Variants in ARPP21 observed in about 807,000 individuals in gnomAD.
ARPP21 encodes the protein cAMP-regulated phosphoprotein 21.
In ARPP21, 69 loss-of-function variants were observed where a neutral mutation model predicts 113.2. The ratio of observed to expected loss-of-function variants is 0.61; its 90% CI spans 0.50 to 0.74. The LOEUF (loss-of-function observed/expected upper bound fraction) is 0.74, where lower values mean the gene tolerates loss of function less well. Ranked by LOEUF, ARPP21 falls within the 30% of genes least tolerant of loss-of-function variation. The pLI, the probability that ARPP21 is intolerant of heterozygous loss-of-function variation, is 0.00. For synonymous variants in ARPP21, 368 were observed against 375.5 expected (o/e 0.98, Z 0.23); for missense variants, 1,070 against 1,037.4 (o/e 1.03, Z -0.43).
rs77032358 is a variant in ARPP21 at position 35,724,338 on chromosome 3, A to G, written c.1225+2504A>G. ...ACCTCAGCTGTTTCTTGTTAATAGCAATGTGGTTGAGAAATAAGAGTATGA... is the reference window on the plus strand; with the variant it reads ...ACCTCAGCTGTTTCTTGTTAATAGCGATGTGGTTGAGAAATAAGAGTATGA... On this transcript the variant is annotated intron_variant, in intron 14 of 20. Transcript: ENST00000684406. Among the ~76,000 whole-genome samples the G allele has an allele frequency of 4.9e-4, 74 of 152,342 alleles. 1 individual carries two copies. Among genetic ancestry groups the G allele is most frequent in the African/African-American group, 1.8e-3 (73 of 41,584 alleles).
Position 35,675,343 on chromosome 3 carries a change from A to G in ARPP21, c.-212-4444A>G, listed in dbSNP as rs1018990292. 4.0e-5 allele frequency among the ~76,000 whole-genome samples: 6 copies of G among 151,664 alleles called. No homozygotes were observed. The South Asian group carries it at 6.2e-4, about 16-fold the overall frequency. ...TGGTCACACACTCAAACTGAAACTAACCTTGATGCTGTCGGATTCTTGGCT... is the reference window on the plus strand; with the variant it reads ...TGGTCACACACTCAAACTGAAACTAGCCTTGATGCTGTCGGATTCTTGGCT... On this transcript the variant is annotated intron_variant, in intron 1 of 20. Transcript: ENST00000684406.
Position 35,712,658 on chromosome 3 carries a change from A to T in ARPP21, c.898-2781A>T, listed in dbSNP as rs149724642. On this transcript the variant is annotated intron_variant, in intron 11 of 20. Coordinates refer to ENST00000684406, the MANE Select transcript of ARPP21 (RefSeq NM_001385562.1). ...TGCTTTGGGGATTTTCCAGAAAAAA[A>T]TTCAAATCCACTTTGAGAATTTTGA... Among the ~76,000 whole-genome samples, 1,276 of 152,034 alleles carry T rather than the reference A, an allele frequency of 8.4e-3. 11 individuals are homozygous for T. The highest frequency in any genetic ancestry group is 0.028 in the African/African-American group (1,157 of 41,468).
chr3:35,645,221 C>T (rs1699756456), intron 1 of ARPP21, among the ~76,000 whole-genome samples: 1 of 151,846 alleles, frequency 6.6e-6, no homozygotes, highest in South Asian at 2.1e-4. Context: ...TACATTCTCA[C>T]ATTTCACACT....
intron 5 of ARPP21, chr3:35,685,634 G>A (rs1257912763): frequency 1.0e-6 from 1 of 984,936 alleles, no homozygotes; most frequent in Non-Finnish European, 1.2e-6. Flanking sequence ...TTTCCAGTGT[G>A]GGAAAAACTC....
intron 7 of ARPP21, 31 bp from the exon 8 acceptor site, chr3:35,690,050 A>C (rs1289826925): frequency 1.1e-6 from 1 of 948,730 alleles, no homozygotes; most frequent in Non-Finnish European, 1.7e-6. Flanking sequence ...AACATACATA[A>C]AACCTTTTAA....
At chr3:35,744,563 C>G in intron 19 of ARPP21, 1 of 521,708 alleles carries the variant, frequency 1.9e-6, no homozygotes, top group Non-Finnish European at 3.9e-6. Context: ...CTGTGTCACA[C>G]TCCTAATGGA....
intron 18 of ARPP21, among the ~76,000 whole-genome samples, chr3:35,741,581 G>C (rs551967458): frequency 6.6e-6 from 1 of 152,292 alleles, no homozygotes; most frequent in East Asian, 1.9e-4. Flanking sequence ...AAGGTGAAGT[G>C]AAAAGCACAT....
Position 35,792,508 on chromosome 3 carries a change from A to C in ARPP21, c.2264A>C (p.Tyr755Ser), listed in dbSNP as rs751398601. 8 of 1,613,974 alleles carry C rather than the reference A, an allele frequency of 5.0e-6. No homozygotes were observed. In the African/African-American group the frequency reaches 1.1e-4, roughly 22 times the overall value. Residue 755 changes from tyrosine (Y) to serine (S), a missense_variant, in exon 20 of 21, where the codon TAC (tyrosine) becomes TCC (serine). By Grantham distance (144) the Tyr-to-Ser change is moderately radical. Transcript: ENST00000684406. The stretch of plus-strand genomic sequence containing the variant: ...CCGGTGCAAAGCGTGATGGTTTCCT[A>C]CCCAACAATGTCTTCTTATCAGGTG... ...GTPVQSVMVSYPTMSSYQVPM... is the reference protein window; with the variant it reads ...GTPVQSVMVSSPTMSSYQVPM...
At position 35,760,705 on chromosome 3, in the gene ARPP21, G is replaced by A. The variant is rs79373560; in HGVS notation, c.2137+16740G>A. Reference sequence around the variant, plus strand: ...TTTTGAAATTAAGCAGCCCATCATGGCACTGTGGATATTAGACTTTCCTAA... The same window carrying A: ...TTTTGAAATTAAGCAGCCCATCATGACACTGTGGATATTAGACTTTCCTAA... On this transcript the variant is annotated intron_variant, in intron 19 of 20. Transcript: ENST00000684406. 3.4e-4 allele frequency among the ~76,000 whole-genome samples: 52 copies of A among 152,214 alleles called. No individual in the cohort carries two copies. The East Asian group carries it at 9.1e-3, about 27-fold the overall frequency.
At chr3:35,670,198 C>T (rs1250938781) in intron 1 of ARPP21, among the ~76,000 whole-genome samples, 1 of 151,948 alleles carries the variant, frequency 6.6e-6, no homozygotes, top group Non-Finnish European at 1.5e-5. Context: ...AAAAAGCAAA[C>T]ACCCATTTTC....
At chr3:35,697,584 G>A (rs1201573929) in intron 9 of ARPP21, among the ~76,000 whole-genome samples, 4 of 151,594 alleles carry the variant, frequency 2.6e-5, no homozygotes, top group Admixed American at 2.0e-4. Flanking sequence ...CCCCTGAAGT[G>A]ATGGATAGTT....
chr3:35,663,039 G>A (rs946752865), intron 1 of ARPP21, among the ~76,000 whole-genome samples: 2 of 152,180 alleles, frequency 1.3e-5, no homozygotes, highest in African/African-American at 4.8e-5. Flanking sequence ...TTAACAAAAA[G>A]ATACTGTACT....
chr3:35,680,242 T>A (rs2078512824), intron 2 of ARPP21, among the ~76,000 whole-genome samples: 1 of 151,842 alleles, frequency 6.6e-6, no homozygotes. Flanking sequence ...CAGTGGAAAA[T>A]GGAACTTTTT....
At chr3:35,763,470 A>C (rs2095851122) in intron 19 of ARPP21, among the ~76,000 whole-genome samples, 1 of 152,136 alleles carries the variant, frequency 6.6e-6, no homozygotes, top group African/African-American at 2.4e-5. Context: ...GATGTGCCTC[A>C]CCAAGGTGTG....
At chr3:35,715,399 T>C (rs778789733) in intron 11 of ARPP21, 40 bp from the exon 12 acceptor site, 3 of 1,591,772 alleles carry the variant, frequency 1.9e-6, no homozygotes, top group Non-Finnish European at 2.6e-6. Context: ...CCTCAGCATA[T>C]CCAGAACTTC....
chr3:35,747,359 TAAAA>T (rs34264524), intron 19 of ARPP21, among the ~76,000 whole-genome samples: 1 of 108,892 alleles, frequency 9.2e-6, no homozygotes, highest in Non-Finnish European at 1.8e-5. Context: ...AGACTCCATC[TAAAA>T]AAAAAAAAAA....
chr3:35,772,679 C>A (rs987846555), intron 19 of ARPP21, among the ~76,000 whole-genome samples: 1 of 152,190 alleles, frequency 6.6e-6, no homozygotes, highest in Non-Finnish European at 1.5e-5. Flanking sequence ...GTCCAGTGAA[C>A]TTACTCTACA....
chr3:35,717,241 C>A (rs2092536374), intron 12 of ARPP21, 57 bp from the exon 13 acceptor site: 1 of 960,822 alleles, frequency 1.0e-6, no homozygotes, highest in Non-Finnish European at 1.7e-6. Flanking sequence ...CATGTAAACA[C>A]AAGGCATTTA....
chr3:35,759,271 G>T (rs911854263), intron 19 of ARPP21, among the ~76,000 whole-genome samples: 1 of 152,130 alleles, frequency 6.6e-6, no homozygotes, highest in South Asian at 2.1e-4. Context: ...CTAAATGCTC[G>T]CTATGCCTAG....
Sources: gnomAD v4.1 joint callset for allele counts (sites outside exome capture counted in the v4.1 genomes callset) on GRCh38, gnomAD v4.1.1 for gene constraint, MANE v1.5 for transcripts, NCBI Gene and HGNC (gene_info 2026-07-23, HGNC 2026-07-21) for gene names.